MAGED1: variants seen among roughly 807,000 people sequenced by gnomAD.
MAGED1 encodes the protein melanoma-associated antigen D1.
MAGED1 carries 3 observed loss-of-function variants against 54.1 expected under a neutral mutation model. The observed-to-expected ratio is 0.06, with a 90% CI of 0.03 to 0.14. The LOEUF is 0.14. Among genes scored for constraint, MAGED1 ranks in the 10% least tolerant of loss-of-function variants. The pLI, the probability that MAGED1 is intolerant of heterozygous loss-of-function variation, is 1.00. For missense variants in MAGED1, 485 were observed against 623.4 expected (o/e 0.78, Z 2.36); for synonymous variants, 217 against 227.3 (o/e 0.95, Z 0.41).
chrX:51,872,756 C>T (rs1255549362), intron 1 of MAGED1, among the ~76,000 whole-genome samples: 2 of 112,178 alleles, frequency 1.8e-5, no homozygotes, highest in African/African-American at 3.2e-5. Flanking sequence ...AATTATAATG[C>T]ACTTGCGTAA....
At chrX:51,900,843 A>T (rs1220472811) in intron 11 of MAGED1, among the ~76,000 whole-genome samples, 1 of 112,153 alleles carries the variant, frequency 8.9e-6, no homozygotes, top group African/African-American at 3.2e-5. Flanking sequence ...CATGTTAGCC[A>T]GGCTGGTCTC....
At chrX:51,848,735 T>G (rs1557359469) in intron 1 of MAGED1, among the ~76,000 whole-genome samples, 2 of 112,032 alleles carry the variant, frequency 1.8e-5, no homozygotes. Context: ...TCCCAGGAAT[T>G]GGGCAAGGGC....
rs981077188 is a variant in MAGED1 at position 51,880,221 on chromosome X, G to A, written c.-36-14048G>A. On this transcript the variant is annotated intron_variant, in intron 1 of 12. Coordinates refer to the MAGED1 transcript ENST00000375772. ...ATATGAGTGATATATGATACCCAAA[G>A]AGATAGTTGGACCCAAAGCAGCTTT... Among the ~76,000 whole-genome samples the A allele has an allele frequency of 6.5e-4, 73 of 112,014 alleles. 1 individual carries two copies. Among genetic ancestry groups the A allele is most frequent in the African/African-American group, 2.3e-3 (71 of 30,839 alleles).
chrX:51,881,404 T>C (rs1242190326), intron 1 of MAGED1, among the ~76,000 whole-genome samples: 1 of 104,360 alleles, frequency 9.6e-6, no homozygotes, highest in Non-Finnish European at 2.0e-5. Flanking sequence ...TCTTGCTTTT[T>C]CTTTTTCTTT....
At position 51,896,801 on chromosome X, in the gene MAGED1, T is replaced by C. The variant is rs1364430627; in HGVS notation, c.1146T>C (p.Thr382=). ...LAWQNPPGWQ[T]PPGWQTPPGW... ...GGCAGAATCCACCTGGATGGCAGAC[T>C]CCACCTGGATGGCAGACCCCACCGG... Residue 382 remains threonine, a synonymous_variant, in exon 4 of 13, where the codon ACT becomes ACC. Transcript: ENST00000326587. 2 of 1,208,077 alleles carry C rather than the reference T, an allele frequency of 1.7e-6. No homozygotes were observed. The highest frequency in any genetic ancestry group is 1.8e-5 in the South Asian group (1 of 56,387).
At chrX:51,865,658 C>CT (rs1927437287) in intron 1 of MAGED1, among the ~76,000 whole-genome samples, 1 of 111,488 alleles carries the variant, frequency 9.0e-6, no homozygotes, top group Non-Finnish European at 1.9e-5. Context: ...AAATCTTGCA[C>CT]TTAATTTTCT....
chrX:51,892,407 G>A (rs1928476491), upstream of MAGED1, among the ~76,000 whole-genome samples: 1 of 112,068 alleles, frequency 8.9e-6, no homozygotes, highest in African/African-American at 3.2e-5. Context: ...GCTGCCCCAG[G>A]CCCCAGCCCT....
chrX:51,826,447 G>A (rs1414052586), intron 1 of MAGED1, among the ~76,000 whole-genome samples: 4 of 111,536 alleles, frequency 3.6e-5, no homozygotes, highest in Non-Finnish European at 7.5e-5. Context: ...TTTGCACATG[G>A]ATTCCAGTTG....
chrX:51,833,254 G>GT (rs1194587563), intron 1 of MAGED1, among the ~76,000 whole-genome samples: 247 of 103,221 alleles, frequency 2.4e-3, no homozygotes, highest in Admixed American at 2.2e-3. Flanking sequence ...ACTTTATTTA[G>GT]TTTTTTTTTT....
intron 1 of MAGED1, among the ~76,000 whole-genome samples, chrX:51,823,095 GAA>G (rs1283520724): frequency 8.9e-6 from 1 of 112,004 alleles, no homozygotes; most frequent in African/African-American, 3.2e-5. Flanking sequence ...TCTTCGATGA[GAA>G]TATTTAATAT....
chrX:51,891,178 T>G (rs1351008422), upstream of MAGED1, among the ~76,000 whole-genome samples: 2 of 112,612 alleles, frequency 1.8e-5, no homozygotes, highest in African/African-American at 6.4e-5. Flanking sequence ...AAAAACAACT[T>G]TTGAGTATGG....
At chrX:51,880,531 C>T (rs1051171760) in intron 1 of MAGED1, among the ~76,000 whole-genome samples, 4 of 111,540 alleles carry the variant, frequency 3.6e-5, no homozygotes, top group East Asian at 2.8e-4. Context: ...TCCTGCATAC[C>T]GGAGTTTGTC....
intron 1 of MAGED1, 47 bp from the exon 2 acceptor site, chrX:51,894,222 C>A: frequency 1.3e-6 from 1 of 771,133 alleles, no homozygotes; most frequent in Non-Finnish European, 1.9e-6. Context: ...CAATTAGGTC[C>A]TTCGTATTTG....
At chrX:51,827,767 C>T (rs1557357057) in intron 1 of MAGED1, among the ~76,000 whole-genome samples, 1 of 111,659 alleles carries the variant, frequency 9.0e-6, no homozygotes, top group Non-Finnish European at 1.9e-5. Flanking sequence ...CTCTCCCACA[C>T]CTTGCCCCAA....
intron 11 of MAGED1, 74 bp from the exon 12 acceptor site, chrX:51,901,479 A>T (rs1929022155): frequency 2.1e-6 from 2 of 955,023 alleles, no homozygotes; most frequent in Admixed American, 3.8e-5. Context: ...TCATCCACTG[A>T]TGGACAGGTA....
chrX:51,804,279 C>A (rs1924956263), intron 1 of MAGED1, among the ~76,000 whole-genome samples: 1 of 111,646 alleles, frequency 9.0e-6, no homozygotes, highest in South Asian at 3.7e-4. Flanking sequence ...AACCAAAGTT[C>A]TCTTTGAATA....
intron 1 of MAGED1, among the ~76,000 whole-genome samples, chrX:51,860,750 G>GAA (rs1314255178): frequency 9.6e-6 from 1 of 104,710 alleles, no homozygotes; most frequent in African/African-American, 3.5e-5. Context: ...TGTGGAGTGA[G>GAA]AAAAAAAAAA....
At chrX:51,881,420 T>TC (rs1928050097) in intron 1 of MAGED1, among the ~76,000 whole-genome samples, 1 of 94,323 alleles carries the variant, frequency 1.1e-5, no homozygotes, top group African/African-American at 3.6e-5. Context: ...TCTTTTCTTT[T>TC]CTTTTTTTTT....
chrX:51,806,185 G>A (rs1557355077), intron 1 of MAGED1, among the ~76,000 whole-genome samples: 1 of 109,362 alleles, frequency 9.1e-6, no homozygotes, highest in East Asian at 2.9e-4. Context: ...TGTTGGCCAA[G>A]CTGGTCTCGA....
Sources: gnomAD v4.1 joint callset for allele counts (sites outside exome capture counted in the v4.1 genomes callset) on GRCh38, gnomAD v4.1.1 for gene constraint, MANE v1.5 for transcripts, NCBI Gene and HGNC (gene_info 2026-07-23, HGNC 2026-07-21) for gene names.